ZNF567: variants seen among roughly 807,000 people sequenced by gnomAD.
ZNF567 encodes the protein zinc finger protein 567.
ZNF567 carries 36 observed loss-of-function variants against 53.9 expected under a neutral mutation model. That is an observed-to-expected ratio of 0.67 (90% CI 0.51 to 0.88). ZNF567 has a LOEUF of 0.88. Among genes scored for constraint, ZNF567 ranks in the 40% least tolerant of loss-of-function variants. The pLI is 0.00. For missense variants in ZNF567, 619 were observed against 764.7 expected, an observed-to-expected ratio of 0.81 and a Z score of 2.25; for synonymous variants, 224 against 260.4, an observed-to-expected ratio of 0.86 and a Z score of 1.35.
chr19:36,689,273 GTATT>G (rs1231482219), intron 1 of ZNF567, 120 bp from the exon 2 acceptor site: 8 of 112,490 alleles, frequency 7.1e-5, no homozygotes, highest in Non-Finnish European at 1.9e-5. Context: ...GTGTGTGTGT[GTATT>G]TATTTTTTTT....
chr19:36,670,828 G>A, the ZNF567 span, among the ~76,000 whole-genome samples: 694 of 152,238 alleles, frequency 4.6e-3, 5 homozygotes, highest in African/African-American at 0.015. Flanking sequence ...TGGGCCGGGC[G>A]TGGTGGCTCA....
At chr19:36,715,863 A>G (rs2040043156) in intron 5 of ZNF567, among the ~76,000 whole-genome samples, 1 of 152,032 alleles carries the variant, frequency 6.6e-6, no homozygotes, top group Non-Finnish European at 1.5e-5. Context: ...TACAAAGTCA[A>G]CTTGATTTTT....
upstream of ZNF567, among the ~76,000 whole-genome samples, chr19:36,683,602 G>A (rs2038218863): frequency 6.6e-6 from 1 of 152,140 alleles, no homozygotes; most frequent in South Asian, 2.1e-4. Context: ...GGGAGGCCAA[G>A]GCAGACGGAT....
chr19:36,678,764 A>T, the ZNF567 span, among the ~76,000 whole-genome samples: 1 of 151,862 alleles, frequency 6.6e-6, no homozygotes, highest in Non-Finnish European at 1.5e-5. Context: ...GAATGGTGTG[A>T]ACCTGGGAGG....
chr19:36,684,049 T>C (rs191370390), upstream of ZNF567, among the ~76,000 whole-genome samples: 546 of 152,280 alleles, frequency 3.6e-3, 3 homozygotes, highest in African/African-American at 0.012. Context: ...AAAAGGCATA[T>C]GCAGTAAAAC....
chr19:36,708,639 C>A (rs2039620436), intron 3 of ZNF567, among the ~76,000 whole-genome samples: 1 of 152,156 alleles, frequency 6.6e-6, no homozygotes, highest in South Asian at 2.1e-4. Flanking sequence ...TCCCTCCCTC[C>A]CTGCTACCCC....
chr19:36,698,918 T>C (rs1271398454), intron 3 of ZNF567, among the ~76,000 whole-genome samples: 1 of 152,194 alleles, frequency 6.6e-6, no homozygotes, highest in South Asian at 2.1e-4. Flanking sequence ...AGAAGCTCTT[T>C]AGTTTAATTA....
intron 2 of ZNF567, 88 bp from the exon 3 acceptor site, chr19:36,694,713 GA>G: frequency 1.5e-6 from 1 of 655,006 alleles, no homozygotes; most frequent in Non-Finnish European, 2.5e-6. Context: ...CAATACAAGG[GA>G]AATGGAGGCA....
At chr19:36,686,716 C>A (rs71356011), upstream of ZNF567, 6,006 of 152,334 alleles carry the variant, frequency 0.039, 154 homozygotes, top group Non-Finnish European at 0.057. Flanking sequence ...GAAAACAGGT[C>A]TGTCCTTTTT....
chr19:36,675,042 T>A, the ZNF567 span, among the ~76,000 whole-genome samples: 1 of 152,188 alleles, frequency 6.6e-6, no homozygotes, highest in Non-Finnish European at 1.5e-5. Flanking sequence ...CGTGAGCCAC[T>A]GCAGCCGGCC....
At chr19:36,707,482 G>C (rs772109599) in intron 3 of ZNF567, among the ~76,000 whole-genome samples, 6 of 151,964 alleles carry the variant, frequency 3.9e-5, no homozygotes, top group Non-Finnish European at 7.4e-5. Context: ...TTCTTCTCTA[G>C]AACTTTTCTT....
intron 3 of ZNF567, among the ~76,000 whole-genome samples, chr19:36,699,486 G>A (rs2145669041): frequency 6.6e-6 from 1 of 152,236 alleles, no homozygotes; most frequent in African/African-American, 2.4e-5. Flanking sequence ...GATGGGGATG[G>A]CATTGAATCT....
chr19:36,687,201 C>G (rs2038296836), upstream of ZNF567: 1 of 152,708 alleles, frequency 6.5e-6, no homozygotes, highest in South Asian at 2.1e-4. Flanking sequence ...GTGTCACACA[C>G]CCGACAGCCG....
chr19:36,708,238 T>A (rs1212895485), intron 3 of ZNF567, among the ~76,000 whole-genome samples: 1 of 152,224 alleles, frequency 6.6e-6, no homozygotes, highest in Non-Finnish European at 1.5e-5. Flanking sequence ...GGTCTGTTTC[T>A]TTTGATCATT....
the ZNF567 span, among the ~76,000 whole-genome samples, chr19:36,676,670 G>C: frequency 3.0e-4 from 45 of 152,280 alleles, no homozygotes; most frequent in African/African-American, 1.1e-3. Context: ...AGAGTGAGTG[G>C]CTGAACCCTG....
In ZNF567 at chr19:36,713,849, C is replaced by T. The variant is rs552142067; in HGVS notation, c.223+982C>T. On this transcript the variant is annotated intron_variant, in intron 5 of 5. Transcript: ENST00000682579. ...ACTCAGGAGGCTGAGGCCGGAGAAT[C>T]GCTTAAACCCGGTAGGCGGAGGTTC... Among the ~76,000 whole-genome samples, 14 of 152,250 alleles carry T rather than the reference C, an allele frequency of 9.2e-5. No homozygotes were observed. The East Asian group carries it at 1.9e-3, about 21-fold the overall frequency.
In ZNF567 at chr19:36,720,010, C is replaced by T. The variant is rs542335364; in HGVS notation, c.1286C>T (p.Ser429Phe). The T allele has an allele frequency of 2.5e-6, 4 of 1,613,944 alleles. No individual in the cohort carries two copies. The highest frequency in any genetic ancestry group is 3.3e-5 in the Admixed American group (2 of 59,992). Residue 429 changes from serine (S) to phenylalanine (F), a missense_variant, in exon 6 of 6, where the codon TCC (serine) becomes TTC (phenylalanine). Ser to Phe is a radical substitution (Grantham distance 155). Coordinates refer to ENST00000682579, the MANE Select transcript of ZNF567 (RefSeq NM_001322917.1). ...TATATTTGTAATGAATGTGGGAAAT[C>T]CTTCTCCCAGAAGACAACCCTTGCT... ...KPYICNECGK[S>F]FSQKTTLALH...
downstream of ZNF567, chr19:36,727,011 C>CTTTCTTTCTTTCTTTCTTTCTTTCTTTCT (rs1555809310): frequency 4.1e-5 from 1 of 24,334 alleles, no homozygotes; most frequent in African/African-American, 1.0e-4. Context: ...TCTTTCTTTC[C>CTTTCTTTCTTTCTTTCTTTCTTTCTTTCT]TTTTTTTTTT....
At chr19:36,712,113 C>T in intron 3 of ZNF567, 1 of 345,966 alleles carries the variant, frequency 2.9e-6, no homozygotes, top group South Asian at 2.5e-5. Flanking sequence ...GTGGCATGAT[C>T]TGGGCTCACT....
Sources: allele counts gnomAD v4.1 joint callset (sites outside exome capture counted in the v4.1 genomes callset), GRCh38; gene constraint gnomAD v4.1.1; transcripts MANE v1.5; gene names NCBI Gene and HGNC (gene_info 2026-07-23, HGNC 2026-07-21).